EXOSC10: variants seen among roughly 807,000 people sequenced by gnomAD.
The protein encoded by EXOSC10 is exosome component 10.
Under a neutral mutation model 126.6 loss-of-function variants are expected in EXOSC10, and 94 were observed. The ratio of observed to expected loss-of-function variants is 0.74; its 90% CI spans 0.63 to 0.88. The LOEUF (loss-of-function observed/expected upper bound fraction) is 0.88, where lower values mean the gene tolerates loss of function less well. EXOSC10 is among the 40% of genes least tolerant of loss of function. The probability of loss-of-function intolerance (pLI) is 0.00; values close to 1 mark genes in which losing one functional copy is unlikely to be tolerated. For synonymous variants in EXOSC10, 395 were observed against 400.8 expected (o/e 0.99, Z 0.17); for missense variants, 1,041 against 1,100.5 (o/e 0.95, Z 0.77).
intron 4 of EXOSC10, 118 bp from the exon 5 acceptor site, chr1:11,091,297 A>C: frequency 9.3e-7 from 1 of 1,077,338 alleles, no homozygotes; most frequent in East Asian, 2.4e-5. Context: ...CATTCATTTA[A>C]GAATGTATGT....
chr1:11,090,918 C>T (rs1640767565), intron 5 of EXOSC10, 96 bp downstream of exon 5: 14 of 1,343,506 alleles, frequency 1.0e-5, no homozygotes, highest in South Asian at 2.8e-5. Context: ...GGAGGGTGGG[C>T]TCCCTTTGAA....
At chr1:11,097,890 A>G (rs1300775017) in intron 2 of EXOSC10, 130 bp downstream of exon 2, 25 of 944,272 alleles carry the variant, frequency 2.6e-5, no homozygotes, top group Non-Finnish European at 3.3e-5. Context: ...CCATTGCTTC[A>G]ATTTTCACAT....
Position 11,077,634 on chromosome 1 carries a change from T to C in EXOSC10, c.1767A>G (p.Gly589=). The C allele has an allele frequency of 6.2e-7, 1 of 1,610,408 alleles. No homozygotes were observed. Among genetic ancestry groups the C allele is most frequent in the East Asian group, 2.2e-5 (1 of 44,750 alleles). Residue 589 remains glycine, a synonymous_variant, in exon 15 of 25, where the codon GGA becomes GGG. Transcript: ENST00000376936. Reference sequence around the variant, plus strand: ...TGGGCAGCGGTCCGCTCTTCTTCACTCCGGCTGCAACTTCAGACTAAGGAA... The same window carrying C: ...TGGGCAGCGGTCCGCTCTTCTTCACCCCGGCTGCAACTTCAGACTAAGGAA... The part of the protein sequence containing the change: ...MPLLKSEVAA[G]VKKSGPLPSA...
At chr1:11,095,446 G>A (rs907738344) in intron 3 of EXOSC10, 3 of 227,552 alleles carry the variant, frequency 1.3e-5, no homozygotes, top group African/African-American at 6.6e-5. Flanking sequence ...GGGTGTGGTG[G>A]CTCACGCCTG....
At chr1:11,096,187 T>C (rs1354459497) in intron 2 of EXOSC10, among the ~76,000 whole-genome samples, 2 of 152,070 alleles carry the variant, frequency 1.3e-5, no homozygotes, top group East Asian at 1.9e-4. Flanking sequence ...TTTTGCCATG[T>C]TGGCCAGGCT....
At chr1:11,087,739 C>A in intron 8 of EXOSC10, 61 bp downstream of exon 8, 1 of 1,493,100 alleles carries the variant, frequency 6.7e-7, no homozygotes, top group South Asian at 1.2e-5. Flanking sequence ...TTTTATACTT[C>A]TCCAACAGGT....
At chr1:11,071,049 A>T (rs1430198897) in intron 20 of EXOSC10, 76 bp from the exon 21 acceptor site, 17 of 1,405,404 alleles carry the variant, frequency 1.2e-5, no homozygotes, top group Non-Finnish European at 1.6e-5. Context: ...TCCCCCTCCG[A>T]CTTGGCCTAG....
chr1:11,070,883 G>A lies in EXOSC10; in HGVS notation c.2316+17C>T, dbSNP rs1639444546. On this transcript the variant is annotated intron_variant, in intron 21 of 24. Coordinates refer to ENST00000376936, the MANE Select transcript of EXOSC10 (RefSeq NM_001001998.3). ...GCATCGTTTTTCAAAGGAAAAAGGA[G>A]AAAAGCTGGCACATACCACGACCTG... 4.3e-6 allele frequency: 7 copies of A among 1,610,814 alleles called. No homozygotes were observed. Among genetic ancestry groups the A allele is most frequent in the Non-Finnish European group, 5.1e-6 (6 of 1,178,110 alleles).
chr1:11,082,625 G>A (rs916786701), intron 10 of EXOSC10, 63 bp downstream of exon 10: 22 of 1,594,268 alleles, frequency 1.4e-5, no homozygotes, highest in African/African-American at 8.0e-5. Context: ...CTCTCTGGAC[G>A]ACAGGTTAAT....
intron 23 of EXOSC10, 127 bp downstream of exon 23, chr1:11,068,518 A>G (rs376119573): frequency 1.6e-5 from 12 of 752,442 alleles, no homozygotes; most frequent in African/African-American, 1.6e-4. Flanking sequence ...TGCCCTTGGG[A>G]AGAAATGAGG....
rs1383746276 is a variant in EXOSC10, at chr1:11,098,169, A to T, written c.112-13T>A. 3.1e-6 allele frequency: 5 copies of T among 1,589,818 alleles called. No homozygotes were observed. The highest frequency in any genetic ancestry group is 3.4e-6 in the Non-Finnish European group (4 of 1,172,994). On this transcript the variant is annotated splice_polypyrimidine_tract_variant and intron_variant, in intron 1 of 24. Transcript: ENST00000376936. Reference sequence around the variant, plus strand: ...ACCCAAGAGCAAACTGTCAAAAACAAGAAAAGATGGCATGTTTACACAGGG... The same window carrying T: ...ACCCAAGAGCAAACTGTCAAAAACATGAAAAGATGGCATGTTTACACAGGG...
At chr1:11,079,534 C>T (rs1640025699) in intron 14 of EXOSC10, among the ~76,000 whole-genome samples, 177 bp downstream of exon 14, 1 of 150,830 alleles carries the variant, frequency 6.6e-6, no homozygotes, top group Non-Finnish European at 1.5e-5. Context: ...GCTGGGATTA[C>T]AGGCGTGCAC....
At chr1:11,082,515 G>C (rs1345649882) in intron 10 of EXOSC10, 173 bp downstream of exon 10, 2 of 1,433,692 alleles carry the variant, frequency 1.4e-6, no homozygotes, top group Admixed American at 2.8e-5. Context: ...GTCCACCTTA[G>C]CATTAAAAAA....
intron 17 of EXOSC10, among the ~76,000 whole-genome samples, chr1:11,075,178 G>A (rs955668579): frequency 7.9e-5 from 12 of 152,004 alleles, no homozygotes; most frequent in African/African-American, 2.7e-4. Flanking sequence ...GATTACAAGC[G>A]TGCGCCACAA....
intron 19 of EXOSC10, chr1:11,072,786 G>A (rs1639585161): frequency 1.3e-5 from 2 of 152,368 alleles, no homozygotes; most frequent in Admixed American, 1.3e-4. Context: ...AAAGAGCTCT[G>A]CTGCCACACA....
intron 20 of EXOSC10, chr1:11,071,846 T>C (rs910760403): frequency 2.2e-6 from 1 of 455,658 alleles, no homozygotes; most frequent in Non-Finnish European, 3.9e-6. Flanking sequence ...TCGCATTCAT[T>C]AGACTGCCTT....
At chr1:11,083,562 C>CAAAAAAAAAAAAAAAAAAAAAAAAAAA (rs35412224) in intron 9 of EXOSC10, among the ~76,000 whole-genome samples, 7 of 65,864 alleles carry the variant, frequency 1.1e-4, no homozygotes, top group Admixed American at 1.9e-4. Context: ...AACTCCGTCT[C>CAAAAAAAAAAAAAAAAAAAAAAAAAAA]AAAAAAAAAA....
chr1:11,084,935 T>C (rs933844906), intron 9 of EXOSC10, among the ~76,000 whole-genome samples: 10 of 152,200 alleles, frequency 6.6e-5, no homozygotes, highest in African/African-American at 2.4e-4. Flanking sequence ...ATCAGATAGT[T>C]GTAGATATAT....
chr1:11,089,026 C>G (rs1290984606), intron 6 of EXOSC10, among the ~76,000 whole-genome samples: 3 of 151,738 alleles, frequency 2.0e-5, no homozygotes, highest in Non-Finnish European at 4.4e-5. Context: ...TTTCAGGCAG[C>G]CTGGACAACA....
Sources: allele counts gnomAD v4.1 joint callset (sites outside exome capture counted in the v4.1 genomes callset), GRCh38; gene constraint gnomAD v4.1.1; transcripts MANE v1.5; gene names NCBI Gene and HGNC (gene_info 2026-07-23, HGNC 2026-07-21).